The following SLC33A2 variants were observed in gnomAD, a reference collection of about 807,000 sequenced individuals.
SLC33A2 encodes the protein major facilitator superfamily domain containing 3.
chr8:144,510,641 G>C, the SLC33A2 span: 22 of 1,561,748 alleles, frequency 1.4e-5, no homozygotes, highest in Admixed American at 3.6e-5. Flanking sequence ...CTTCCGCCTC[G>C]GGGGCCTAGC....
At chr8:144,509,873 G>A in the SLC33A2 span, 12 of 1,542,738 alleles carry the variant, frequency 7.8e-6, no homozygotes, top group South Asian at 1.3e-4. Context: ...CCGCGGCCCT[G>A]GCCTGGGCTG....
At chr8:144,510,921 G>A in the SLC33A2 span, 2 of 1,601,878 alleles carry the variant, frequency 1.2e-6, no homozygotes, top group South Asian at 1.1e-5. Flanking sequence ...GATGTAGCAG[G>A]GACACAAGAG....
At chr8:144,511,044 G>A in the SLC33A2 span, 2 of 1,605,340 alleles carry the variant, frequency 1.2e-6, no homozygotes, top group Non-Finnish European at 1.7e-6. Flanking sequence ...AGCTGCTGCT[G>A]GGCACTCTGG....
chr8:144,511,013 C>T, the SLC33A2 span: 2 of 1,602,096 alleles, frequency 1.2e-6, no homozygotes, highest in Non-Finnish European at 1.7e-6. Flanking sequence ...AGCCTTCTGG[C>T]CACGCTGGAG....
At chr8:144,510,706 T>C in the SLC33A2 span, 2 of 1,577,426 alleles carry the variant, frequency 1.3e-6, no homozygotes, top group East Asian at 2.3e-5. Context: ...GCATGGACGC[T>C]GGCACAATCT....
At chr8:144,511,048 A>T in the SLC33A2 span, 1 of 1,605,658 alleles carries the variant, frequency 6.2e-7, no homozygotes, top group South Asian at 1.1e-5. Context: ...GCTGCTGGGC[A>T]CTCTGGCCGG....
At chr8:144,510,782 C>T in the SLC33A2 span, 1 of 1,611,270 alleles carries the variant, frequency 6.2e-7, no homozygotes. Flanking sequence ...CTGCTGACTT[C>T]TGCCCTCCCA....
chr8:144,509,810 C>T, the SLC33A2 span: 8 of 1,541,924 alleles, frequency 5.2e-6, no homozygotes, highest in Admixed American at 7.7e-5. Context: ...CGCTGCTGCC[C>T]ACCTTCTCGT....
At chr8:144,511,113 C>G in the SLC33A2 span, 11 of 1,610,394 alleles carry the variant, frequency 6.8e-6, no homozygotes, top group South Asian at 8.8e-5. Context: ...TGCTCATCCT[C>G]TCTGCCTTTC....
chr8:144,509,474 C>G, the SLC33A2 span: 1 of 1,535,664 alleles, frequency 6.5e-7, no homozygotes, highest in Non-Finnish European at 8.7e-7. Context: ...AGGTTCTGTA[C>G]GCTCCGTGGC....
the SLC33A2 span, chr8:144,510,804 G>C: frequency 1.9e-6 from 3 of 1,611,568 alleles, no homozygotes; most frequent in Non-Finnish European, 2.5e-6. Flanking sequence ...GGTCAGCCTT[G>C]CTGAGCCTAT....
the SLC33A2 span, chr8:144,510,697 C>G: frequency 1.9e-6 from 3 of 1,571,038 alleles, no homozygotes; most frequent in African/African-American, 1.4e-5. Context: ...TGGGGGCCAG[C>G]ATGGACGCTG....
chr8:144,510,281 A>G, the SLC33A2 span: 1 of 1,581,128 alleles, frequency 6.3e-7, no homozygotes, highest in Non-Finnish European at 8.6e-7. Context: ...GCAGGGCAGG[A>G]CTGAGGGCCC....
the SLC33A2 span, chr8:144,509,874 G>T: frequency 3.2e-6 from 5 of 1,543,172 alleles, no homozygotes; most frequent in Non-Finnish European, 3.5e-6. Flanking sequence ...CGCGGCCCTG[G>T]CCTGGGCTGC....
chr8:144,510,347 C>G, the SLC33A2 span: 43 of 1,611,082 alleles, frequency 2.7e-5, no homozygotes, highest in Admixed American at 3.3e-5. Context: ...TCATGCCCCC[C>G]CCACCACCCA....
the SLC33A2 span, chr8:144,509,941 C>A: frequency 6.3e-7 from 1 of 1,591,016 alleles, no homozygotes; most frequent in South Asian, 1.1e-5. Context: ...CCCCACACCG[C>A]GCACCTTCTG....
At chr8:144,510,398 C>T in the SLC33A2 span, 1 of 1,612,770 alleles carries the variant, frequency 6.2e-7, no homozygotes, top group Admixed American at 1.7e-5. Context: ...TCTTCTCCTG[C>T]TGGACCACGG....
chr8:144,509,914 C>T, the SLC33A2 span: 2 of 1,564,974 alleles, frequency 1.3e-6, no homozygotes, highest in Admixed American at 1.8e-5. Flanking sequence ...CCACAGCAGC[C>T]CCCTTCCGAG....
the SLC33A2 span, chr8:144,510,454 G>A: frequency 6.2e-7 from 1 of 1,612,772 alleles, no homozygotes; most frequent in Admixed American, 1.7e-5. Flanking sequence ...TGGGTGCTGT[G>A]GTCTGCTCCA....
Sources: allele counts gnomAD v4.1 joint callset, GRCh38; gene constraint gnomAD v4.1.1; transcripts MANE v1.5; gene names NCBI Gene and HGNC (gene_info 2026-07-23, HGNC 2026-07-21).